TNR: variants seen among roughly 807,000 people sequenced by gnomAD.
TNR encodes tenascin R, also known as tenascin-R.
TNR carries 45 observed loss-of-function variants against 150.4 expected under a neutral mutation model. That is an observed-to-expected ratio of 0.30 (90% confidence interval 0.24 to 0.38). TNR has a LOEUF of 0.38. Among genes scored for constraint, TNR ranks in the 10% least tolerant of loss-of-function variants. TNR has a pLI of 1.00. For missense variants in TNR, 1,544 were observed against 1,759.1 expected (o/e 0.88, Z 2.19); for synonymous variants, 687 against 678.4 (o/e 1.01, Z -0.20).
At chr1:175,658,227 G>T (rs1437660612) in intron 1 of TNR, among the ~76,000 whole-genome samples, 1 of 152,046 alleles carries the variant, frequency 6.6e-6, no homozygotes, top group African/African-American at 2.4e-5. Context: ...GTTGTCCTTG[G>T]GTCAGGACAA....
chr1:175,672,514 T>C (rs967860335), intron 1 of TNR, among the ~76,000 whole-genome samples: 7 of 152,194 alleles, frequency 4.6e-5, no homozygotes, highest in African/African-American at 1.7e-4. Context: ...AAACTGTCTT[T>C]GTAAATTAAT....
intron 1 of TNR, among the ~76,000 whole-genome samples, chr1:175,739,115 AAAAGAGCTGG>A (rs1667852767): frequency 1.3e-5 from 2 of 152,132 alleles, no homozygotes; most frequent in African/African-American, 2.4e-5. Context: ...GCCTTCCCCT[AAAAGAGCTGG>A]CTGGGTGCAC....
chr1:175,358,083 A>G (rs1270846789), intron 15 of TNR, among the ~76,000 whole-genome samples: 1 of 152,206 alleles, frequency 6.6e-6, no homozygotes, highest in Non-Finnish European at 1.5e-5. Context: ...AAGAAATAGC[A>G]TGTGCAAATG....
At chr1:175,698,829 A>G (rs1666605707) in intron 1 of TNR, among the ~76,000 whole-genome samples, 1 of 152,054 alleles carries the variant, frequency 6.6e-6, no homozygotes, top group Non-Finnish European at 1.5e-5. Flanking sequence ...CTCAAAAAAA[A>G]AAAGGTGGTG....
intron 1 of TNR, among the ~76,000 whole-genome samples, chr1:175,588,115 G>A (rs192787517): frequency 1.9e-3 from 283 of 152,340 alleles, no homozygotes; most frequent in Non-Finnish European, 3.2e-3. Context: ...CCAAAGGTGG[G>A]ATGGACTGCT....
At chr1:175,352,860 A>G (rs1407597460) in intron 18 of TNR, among the ~76,000 whole-genome samples, 4 of 152,180 alleles carry the variant, frequency 2.6e-5, no homozygotes, top group African/African-American at 9.7e-5. Context: ...GTCATATCTG[A>G]TCAGTGTCTT....
chr1:175,725,853 C>A (rs543849871), intron 1 of TNR, among the ~76,000 whole-genome samples: 1 of 152,302 alleles, frequency 6.6e-6, no homozygotes, highest in African/African-American at 2.4e-5. Flanking sequence ...GGATATTCAG[C>A]ACCTAGGACA....
At chr1:175,734,076 C>T (rs1667712518) in intron 1 of TNR, among the ~76,000 whole-genome samples, 1 of 152,180 alleles carries the variant, frequency 6.6e-6, no homozygotes, top group Non-Finnish European at 1.5e-5. Context: ...AAGGCCACTG[C>T]CTGTCTCAAG....
intron 2 of TNR, among the ~76,000 whole-genome samples, chr1:175,496,512 G>T (rs535496311): frequency 1.3e-5 from 2 of 152,308 alleles, no homozygotes; most frequent in South Asian, 4.1e-4. Context: ...CTCATTTTCT[G>T]TCTTGCTGGG....
rs1445484199 is a variant in TNR at position 175,468,217 on chromosome 1, G to A, written c.-64+60052C>T. ...GGAGATAGCACAGAGTGGGGAAAGG[G>A]CATGGGATGGAGTGTAGATGTGGAT... On this transcript the variant is annotated intron_variant, in intron 2 of 22. Coordinates refer to ENST00000367674, the MANE Select transcript of TNR (RefSeq NM_003285.3). 5.3e-5 allele frequency among the ~76,000 whole-genome samples: 8 copies of A among 152,184 alleles called. No individual in the cohort carries two copies. The East Asian group carries it at 1.2e-3, about 22-fold the overall frequency.
At chr1:175,390,670 C>T (rs1260526228) in intron 7 of TNR, among the ~76,000 whole-genome samples, 1 of 152,222 alleles carries the variant, frequency 6.6e-6, no homozygotes, top group Non-Finnish European at 1.5e-5. Flanking sequence ...TCACCTTGAA[C>T]AGTGACCCAA....
chr1:175,422,480 A>C (rs1033332519), intron 2 of TNR, among the ~76,000 whole-genome samples: 1 of 152,252 alleles, frequency 6.6e-6, no homozygotes, highest in African/African-American at 2.4e-5. Context: ...AAGCTTCTGG[A>C]ATTTTTCTCT....
rs879410035 is a variant in TNR, at chr1:175,318,678, G to C, written c.*4679C>G. On this transcript the variant is annotated 3_prime_UTR_variant, in exon 23 of 23. Transcript: ENST00000367674. ...ATCTTCAGGAATGTGGTCAAAGAGA[G>C]GCTACAGGAACAACCCCAGGGGCCA... The C allele has an allele frequency of 6.6e-6, 1 of 152,246 alleles. No homozygotes were observed. Among genetic ancestry groups the C allele is most frequent in the Non-Finnish European group, 1.5e-5 (1 of 68,088 alleles). 9.4% of individuals were successfully genotyped at this position (152,246 alleles called of 1,614,324 possible).
At chr1:175,468,652 C>A (rs1657139525) in intron 2 of TNR, among the ~76,000 whole-genome samples, 1 of 151,970 alleles carries the variant, frequency 6.6e-6, no homozygotes, top group Admixed American at 6.5e-5. Flanking sequence ...TCAGTATGAC[C>A]CGGAGCATCC....
intron 1 of TNR, among the ~76,000 whole-genome samples, chr1:175,729,145 T>C (rs1359293406): frequency 6.6e-6 from 1 of 152,202 alleles, no homozygotes; most frequent in African/African-American, 2.4e-5. Flanking sequence ...GGTTGTTCCT[T>C]GACGAGTTTT....
intron 1 of TNR, among the ~76,000 whole-genome samples, chr1:175,696,541 C>T (rs888414764): frequency 3.9e-5 from 6 of 152,158 alleles, no homozygotes; most frequent in African/African-American, 1.4e-4. Context: ...CTGCCAAGTA[C>T]AGACAATAAT....
At chr1:175,443,429 C>T (rs571870802) in intron 2 of TNR, among the ~76,000 whole-genome samples, 43 of 152,240 alleles carry the variant, frequency 2.8e-4, no homozygotes, top group African/African-American at 9.6e-4. Flanking sequence ...TTAGGTTATA[C>T]CCCAGGCTCC....
chr1:175,393,273 T>C (rs114082957), intron 6 of TNR, among the ~76,000 whole-genome samples: 40 of 152,366 alleles, frequency 2.6e-4, no homozygotes, highest in African/African-American at 9.1e-4. Flanking sequence ...ACAAATGTAT[T>C]ATGAATAATC....
chr1:175,725,878 G>T (rs563815285), intron 1 of TNR, among the ~76,000 whole-genome samples: 1 of 152,300 alleles, frequency 6.6e-6, no homozygotes, highest in South Asian at 2.1e-4. Context: ...CTGAAGCCTG[G>T]TTGCCTCTTA....
Sources: allele counts gnomAD v4.1 joint callset (sites outside exome capture counted in the v4.1 genomes callset), GRCh38; gene constraint gnomAD v4.1.1; transcripts MANE v1.5; gene names NCBI Gene and HGNC (gene_info 2026-07-23, HGNC 2026-07-21).